The following KCNT2 variants were observed in gnomAD, a reference collection of about 807,000 sequenced individuals.
KCNT2 encodes potassium channel subfamily T member 2.
Under a neutral mutation model 153.8 loss-of-function variants are expected in KCNT2, and 67 were observed. The ratio of observed to expected loss-of-function variants is 0.44; its 90% CI spans 0.36 to 0.53. The LOEUF (loss-of-function observed/expected upper bound fraction) is 0.53. Ranked by LOEUF, KCNT2 falls within the 20% of genes least tolerant of loss-of-function variation. KCNT2 has a pLI of 0.00. For synonymous variants in KCNT2, 500 were observed against 458.8 expected, an observed-to-expected ratio of 1.09 and a Z score of -1.15; for missense variants, 975 against 1,354.8, an observed-to-expected ratio of 0.72 and a Z score of 4.40.
chr1:196,405,880 C>T (rs1209691366), intron 12 of KCNT2, among the ~76,000 whole-genome samples: 1 of 151,322 alleles, frequency 6.6e-6, no homozygotes, highest in African/African-American at 2.4e-5. Flanking sequence ...AATTTATAAG[C>T]GATTGAGCAA....
At chr1:196,600,202 C>T (rs1343439987) in intron 1 of KCNT2, among the ~76,000 whole-genome samples, 1 of 152,156 alleles carries the variant, frequency 6.6e-6, no homozygotes, top group African/African-American at 2.4e-5. Context: ...TTCTGGCCTC[C>T]ATGGAGCCTA....
At chr1:196,281,746 A>T (rs1659120014) in intron 24 of KCNT2, among the ~76,000 whole-genome samples, 1 of 152,020 alleles carries the variant, frequency 6.6e-6, no homozygotes, top group African/African-American at 2.4e-5. Context: ...TTAACAAAAA[A>T]AAATTCATTC....
At chr1:196,562,113 A>T (rs1270935970) in intron 1 of KCNT2, among the ~76,000 whole-genome samples, 1 of 151,984 alleles carries the variant, frequency 6.6e-6, no homozygotes, top group Admixed American at 6.6e-5. Context: ...CAGGGAAAAG[A>T]CCTGGAAAGG....
At chr1:196,267,125 G>A (rs891114393) in intron 25 of KCNT2, among the ~76,000 whole-genome samples, 1 of 152,160 alleles carries the variant, frequency 6.6e-6, no homozygotes, top group Admixed American at 6.6e-5. Flanking sequence ...CAATCCCTCT[G>A]CAGGCAGATC....
At chr1:196,521,925 CAT>C (rs1653481828) in intron 1 of KCNT2, among the ~76,000 whole-genome samples, 1 of 152,056 alleles carries the variant, frequency 6.6e-6, no homozygotes, top group Non-Finnish European at 1.5e-5. Context: ...ACAAAGTGAA[CAT>C]GTACCCCTGA....
chr1:196,461,648 C>T (rs1677163721), intron 8 of KCNT2, among the ~76,000 whole-genome samples: 1 of 151,680 alleles, frequency 6.6e-6, no homozygotes, highest in Non-Finnish European at 1.5e-5. Context: ...GTTTACTCTG[C>T]TTTGTTTTAG....
intron 1 of KCNT2, among the ~76,000 whole-genome samples, chr1:196,502,463 G>A (rs1254318247): frequency 2.0e-5 from 3 of 152,122 alleles, no homozygotes; most frequent in African/African-American, 7.2e-5. Flanking sequence ...GCACATATAT[G>A]CATGTGTTTA....
chr1:196,404,080 CA>C, intron 12 of KCNT2: 1 of 814,548 alleles, frequency 1.2e-6, no homozygotes, highest in Non-Finnish European at 1.5e-6. Flanking sequence ...TCCCTTTTCC[CA>C]AAAGAAAATA....
chr1:196,556,805 A>G (rs1038295117), intron 1 of KCNT2, among the ~76,000 whole-genome samples: 2 of 151,522 alleles, frequency 1.3e-5, no homozygotes, highest in Admixed American at 1.3e-4. Flanking sequence ...ACCATAAAAA[A>G]GAATATGATT....
At chr1:196,509,536 A>G (rs956894308) in intron 1 of KCNT2, among the ~76,000 whole-genome samples, 1 of 152,188 alleles carries the variant, frequency 6.6e-6, no homozygotes, top group Non-Finnish European at 1.5e-5. Flanking sequence ...TTAAACAATA[A>G]CTTATTTACA....
At chr1:196,534,666 A>T (rs1043781332) in intron 1 of KCNT2, among the ~76,000 whole-genome samples, 1 of 152,300 alleles carries the variant, frequency 6.6e-6, no homozygotes, top group East Asian at 1.9e-4. Flanking sequence ...TAAAAATTTG[A>T]TTAAAAGGTA....
At chr1:196,253,880 G>A (rs1656221187) in intron 26 of KCNT2, among the ~76,000 whole-genome samples, 1 of 151,470 alleles carries the variant, frequency 6.6e-6, no homozygotes, top group African/African-American at 2.4e-5. Context: ...ATTCAAATTG[G>A]CCTCTTTTTT....
chr1:196,326,836 T>C lies in KCNT2; in HGVS notation c.2157A>G (p.Lys719=), dbSNP rs371308051. ...EDAKAYGFKN[K]LIIVAAETAG... ...CTGTTTCAGCTGCAACTATAATTAG[T>C]TTATTTTTGAATCCATAGGCTTTTG... Residue 719 remains lysine (K), a synonymous_variant, in exon 19 of 28, where the codon AAA becomes AAG. Transcript: ENST00000294725. 3 of 1,589,086 alleles carry C rather than the reference T, an allele frequency of 1.9e-6. No homozygotes were observed. Among genetic ancestry groups the C allele is most frequent in the African/African-American group, 2.7e-5 (2 of 73,246 alleles).
rs1279726448 is a variant in KCNT2 at position 196,451,224 on chromosome 1, T to A, written c.638+14069A>T. 9.3e-3 allele frequency among the ~76,000 whole-genome samples: 1,281 copies of A among 137,702 alleles called. 29 individuals are homozygous for A. The highest frequency in any genetic ancestry group is 0.032 in the African/African-American group (1,198 of 37,442). 90.3% of individuals were successfully genotyped at this position (137,702 alleles called of 152,430 possible). A position where few individuals can be genotyped will look rare whatever the true frequency, so the allele number is the denominator to read the frequency against. Reference sequence around the variant, plus strand: ...CCCTCTTAATCCCTCTTTCTTTTTTTTTTTTTTTTTTTTTTTTTTCCTTTT... The same window carrying A: ...CCCTCTTAATCCCTCTTTCTTTTTTATTTTTTTTTTTTTTTTTTTCCTTTT... On this transcript the variant is annotated intron_variant, in intron 8 of 27. Transcript: ENST00000294725.
chr1:196,352,594 C>CT (rs1173594793), intron 14 of KCNT2, among the ~76,000 whole-genome samples: 1 of 151,938 alleles, frequency 6.6e-6, no homozygotes, highest in East Asian at 1.9e-4. Context: ...ATTCTTCTCT[C>CT]TTTTTTTCTT....
At position 196,312,191 on chromosome 1, in the gene KCNT2, A is replaced by G. The variant is rs372908289; in HGVS notation, c.2483+3701T>C. Among the ~76,000 whole-genome samples the G allele has an allele frequency of 1.3e-4, 19 of 151,772 alleles. No homozygotes were observed. The South Asian group carries it at 3.5e-3, about 28-fold the overall frequency. ...TACAACAGGATCTAACCCGAGGAAG[A>G]TCTTATCTCCTTATTGTCTTTGATA... On this transcript the variant is annotated intron_variant, in intron 21 of 27. Coordinates refer to ENST00000294725, the MANE Select transcript of KCNT2 (RefSeq NM_198503.5).
Position 196,564,827 on chromosome 1 carries a change from C to G in KCNT2, c.95+43388G>C, listed in dbSNP as rs1330533555. Among the ~76,000 whole-genome samples the G allele has an allele frequency of 2.0e-5, 3 of 151,726 alleles. No homozygotes were observed. In the East Asian group the frequency reaches 5.8e-4, roughly 29 times the overall value. ...GAATTCTTATACACAAAATTCAACACAGATTAACTAAAGACCTAAATACAG... is the reference window on the plus strand; with the variant it reads ...GAATTCTTATACACAAAATTCAACAGAGATTAACTAAAGACCTAAATACAG... On this transcript the variant is annotated intron_variant, in intron 1 of 27. Transcript: ENST00000294725.
intron 14 of KCNT2, among the ~76,000 whole-genome samples, chr1:196,345,995 T>C (rs1666109710): frequency 1.3e-5 from 2 of 152,174 alleles, no homozygotes; most frequent in South Asian, 4.1e-4. Context: ...CAAACAGACA[T>C]AGTGTATGTG....
chr1:196,307,843 T>C (rs913889497), intron 21 of KCNT2, among the ~76,000 whole-genome samples: 2 of 152,052 alleles, frequency 1.3e-5, no homozygotes, highest in African/African-American at 2.4e-5. Flanking sequence ...CAATTGACTT[T>C]TGGCTGGCAA....
Sources: gnomAD v4.1 joint callset for allele counts (sites outside exome capture counted in the v4.1 genomes callset) on GRCh38, gnomAD v4.1.1 for gene constraint, MANE v1.5 for transcripts, NCBI Gene and HGNC (gene_info 2026-07-23, HGNC 2026-07-21) for gene names.